The following TOMM20 variants were observed in gnomAD, a reference collection of about 807,000 sequenced individuals.
TOMM20 encodes mitochondrial import receptor subunit TOM20 homolog.
A neutral mutation model predicts 22.1 loss-of-function variants in TOMM20; 10 were observed. The observed-to-expected ratio is 0.45, with a 90% CI of 0.28 to 0.77. The LOEUF (loss-of-function observed/expected upper bound fraction) is 0.77, where lower values mean the gene tolerates loss of function less well. Among genes scored for constraint, TOMM20 ranks in the 30% least tolerant of loss-of-function variants. TOMM20 has a pLI of 0.13. For missense variants in TOMM20, 121 were observed against 172.2 expected, an observed-to-expected ratio of 0.70 and a Z score of 1.66; for synonymous variants, 55 against 61.4, an observed-to-expected ratio of 0.90 and a Z score of 0.49.
chr1:235,115,606 G>A (rs1020370898), intron 3 of TOMM20, among the ~76,000 whole-genome samples: 1 of 152,086 alleles, frequency 6.6e-6, no homozygotes, highest in Admixed American at 6.5e-5. Flanking sequence ...CAGCCTGGGC[G>A]ACAGAGCGAG....
chr1:235,118,135 A>C (rs1007285791), intron 3 of TOMM20, among the ~76,000 whole-genome samples: 1 of 72,678 alleles, frequency 1.4e-5, no homozygotes, highest in Non-Finnish European at 2.7e-5. Flanking sequence ...AGATTTAGCA[A>C]CAATGCTGAA....
intron 3 of TOMM20, among the ~76,000 whole-genome samples, chr1:235,116,516 G>A (rs888621742): frequency 6.7e-5 from 10 of 149,312 alleles, no homozygotes; most frequent in African/African-American, 1.7e-4. Context: ...CCAGCCTGGC[G>A]AAAGAGTGAG....
chr1:235,114,439 CTTTTTTTTTTTTTT>C (rs67573955), intron 3 of TOMM20, among the ~76,000 whole-genome samples: 2 of 131,606 alleles, frequency 1.5e-5, no homozygotes, highest in South Asian at 4.9e-4. Flanking sequence ...CTTATTTTTT[CTTTTTTTTTTTTTT>C]TTTGAGACAG....
In TOMM20 at chr1:235,112,115, GAA is replaced by G. The variant is rs745835333; in HGVS notation, c.394-9_394-8del. On this transcript the variant is annotated splice_region_variant and splice_polypyrimidine_tract_variant and intron_variant, in intron 4 of 4. Transcript: ENST00000366607. ...TCTGAGCACTTACAATTCTCTGAAA[GAA>G]AAAAAAAATAATTTTTTAAAGTGTC... The G allele has an allele frequency of 4.7e-6, 7 of 1,484,692 alleles. No homozygotes were observed. Among genetic ancestry groups the G allele is most frequent in the Non-Finnish European group, 5.5e-6 (6 of 1,092,660 alleles). The allele number at this position is 1,484,692 out of a possible 1,614,324, so 92.0% of individuals were successfully genotyped here.
chr1:235,123,352 G>A (rs1364430146), intron 1 of TOMM20, among the ~76,000 whole-genome samples: 1 of 152,196 alleles, frequency 6.6e-6, no homozygotes. Context: ...GGGCATGGTG[G>A]CGGGCGCCTG....
chr1:235,112,717 A>C (rs1269229453), intron 4 of TOMM20, among the ~76,000 whole-genome samples: 2 of 152,162 alleles, frequency 1.3e-5, no homozygotes, highest in Non-Finnish European at 2.9e-5. Context: ...GAACACTGAT[A>C]ATTGAGTGAA....
At chr1:235,125,407 G>T (rs1264691535) in intron 1 of TOMM20, among the ~76,000 whole-genome samples, 1 of 152,052 alleles carries the variant, frequency 6.6e-6, no homozygotes, top group East Asian at 1.9e-4. Flanking sequence ...AGTAAAGACG[G>T]GGTTTCACCA....
At position 235,117,115 on chromosome 1, in the gene TOMM20, A is replaced by G. The variant is rs561327179; in HGVS notation, c.250+2703T>C. Among the ~76,000 whole-genome samples, 4 of 114,182 alleles carry G rather than the reference A, an allele frequency of 3.5e-5. No individual in the cohort carries two copies. In the South Asian group the frequency reaches 1.4e-3, roughly 40 times the overall value. The allele number at this position is 114,182 out of a possible 152,430, so 74.9% of individuals were successfully genotyped here. On this transcript the variant is annotated intron_variant, in intron 3 of 4. Transcript: ENST00000366607. ...GCGCCACTGCACTCCAGCCTGGGCG[A>G]CAGAGCGAGACTCCATCTCAAAAAA...
intron 4 of TOMM20, among the ~76,000 whole-genome samples, chr1:235,112,665 C>T (rs1660757495): frequency 6.6e-6 from 1 of 152,048 alleles, no homozygotes; most frequent in African/African-American, 2.4e-5. Flanking sequence ...TAACTAAAAC[C>T]AAAAAGATTT....
chr1:235,121,284 G>A (rs577801963), intron 2 of TOMM20, among the ~76,000 whole-genome samples: 1 of 151,792 alleles, frequency 6.6e-6, no homozygotes, highest in Non-Finnish European at 1.5e-5. Flanking sequence ...TATTAACCTA[G>A]CCAACACAAG....
intron 4 of TOMM20, 47 bp downstream of exon 4, chr1:235,113,721 A>T (rs1415402964): frequency 6.4e-7 from 1 of 1,564,938 alleles, no homozygotes; most frequent in African/African-American, 1.4e-5. Context: ...TAATCATTCG[A>T]TTCTAAATCC....
Position 235,109,874 on chromosome 1 carries a change from T to G in TOMM20, c.*2190A>C, listed in dbSNP as rs1660710779. The G allele has an allele frequency of 6.6e-6, 1 of 152,190 alleles. No homozygotes were observed. Among genetic ancestry groups the G allele is most frequent in the Non-Finnish European group, 1.5e-5 (1 of 68,036 alleles). 9.4% of individuals were successfully genotyped at this position (152,190 alleles called of 1,614,324 possible). A position where few individuals can be genotyped will look rare whatever the true frequency, so the allele number is the denominator to read the frequency against. On this transcript the variant is annotated 3_prime_UTR_variant, in exon 5 of 5. Coordinates refer to ENST00000366607, the MANE Select transcript of TOMM20 (RefSeq NM_014765.3). ...GTATTAGTTCACTGAGATCTGGGGT[T>G]TTTTTGTTCTCACCTGCTGAGCACC...
intron 1 of TOMM20, among the ~76,000 whole-genome samples, chr1:235,128,318 G>A (rs548226600): frequency 2.0e-5 from 3 of 152,338 alleles, no homozygotes; most frequent in African/African-American, 4.8e-5. Context: ...CTCCTCCCCA[G>A]GCCACACACA....
At position 235,128,791 on chromosome 1, in the gene TOMM20, G is replaced by C; in HGVS notation, c.-76C>G. 6.2e-7 allele frequency: 1 copy of C among 1,600,392 alleles called. No homozygotes were observed. Among genetic ancestry groups the C allele is most frequent in the Admixed American group, 1.7e-5 (1 of 59,256 alleles). Reference sequence around the variant, plus strand: ...CGGTGGGCCACGAACCCTCAGAGCGGTCGGCGCAGCTCACACCCGACGGCC... The same window carrying C: ...CGGTGGGCCACGAACCCTCAGAGCGCTCGGCGCAGCTCACACCCGACGGCC... On this transcript the variant is annotated 5_prime_UTR_variant, in exon 1 of 5. Coordinates refer to ENST00000366607, the MANE Select transcript of TOMM20 (RefSeq NM_014765.3).
intron 3 of TOMM20, among the ~76,000 whole-genome samples, chr1:235,116,984 A>T (rs963005099): frequency 1.7e-4 from 25 of 150,954 alleles, no homozygotes; most frequent in Non-Finnish European, 2.8e-4. Flanking sequence ...AAATACAAAA[A>T]ACTAGCCGGG....
intron 3 of TOMM20, among the ~76,000 whole-genome samples, chr1:235,115,162 C>T (rs766169766): frequency 3.3e-5 from 5 of 152,086 alleles, no homozygotes; most frequent in Admixed American, 6.5e-5. Flanking sequence ...CAGGCATGAG[C>T]CACTGCACTC....
At chr1:235,119,086 T>G (rs1258720278) in intron 3 of TOMM20, among the ~76,000 whole-genome samples, 4 of 152,224 alleles carry the variant, frequency 2.6e-5, no homozygotes, top group Non-Finnish European at 1.5e-5. Context: ...CAATCAGAAT[T>G]TTAAAATATT....
In TOMM20 at chr1:235,109,899, C is replaced by A. The variant is rs1218542804; in HGVS notation, c.*2165G>T. ...TTTTTTGTTCTCACCTGCTGAGCAC[C>A]ATTTGGCCAGCATCACTACAACAAG... is the stretch of plus-strand genomic sequence containing the variant. On this transcript the variant is annotated 3_prime_UTR_variant, in exon 5 of 5. Coordinates refer to ENST00000366607, the MANE Select transcript of TOMM20 (RefSeq NM_014765.3). 1.3e-5 allele frequency: 2 copies of A among 152,094 alleles called. No homozygotes were observed. Among genetic ancestry groups the A allele is most frequent in the African/African-American group, 4.8e-5 (2 of 41,398 alleles). 9.4% of individuals were successfully genotyped at this position (152,094 alleles called of 1,614,324 possible).
intron 1 of TOMM20, among the ~76,000 whole-genome samples, chr1:235,126,277 C>A (rs891058777): frequency 6.6e-6 from 1 of 151,580 alleles, no homozygotes; most frequent in African/African-American, 2.4e-5. Flanking sequence ...GGACTACCGG[C>A]GTGCACCACC....
Sources: allele counts gnomAD v4.1 joint callset (sites outside exome capture counted in the v4.1 genomes callset), GRCh38; gene constraint gnomAD v4.1.1; transcripts MANE v1.5; gene names NCBI Gene and HGNC (gene_info 2026-07-23, HGNC 2026-07-21).